PDZD2: variants seen among roughly 807,000 people sequenced by gnomAD.
PDZD2 encodes the protein PDZ domain-containing protein 2.
PDZD2 carries 90 observed loss-of-function variants against 220.7 expected under a neutral mutation model. The ratio of observed to expected loss-of-function variants is 0.41; its 90% CI spans 0.34 to 0.49. The LOEUF is 0.49. Among genes scored for constraint, PDZD2 ranks in the 20% least tolerant of loss-of-function variants. The pLI is 0.28. For synonymous variants in PDZD2, 1,375 were observed against 1,450.5 expected (o/e 0.95, Z 1.18); for missense variants, 3,174 against 3,608.5 (o/e 0.88, Z 3.08).
chr5:31,877,190 C>T (rs1045836525), intron 2 of PDZD2, among the ~76,000 whole-genome samples: 1 of 152,106 alleles, frequency 6.6e-6, no homozygotes, highest in African/African-American at 2.4e-5. Context: ...TTCATTAGTA[C>T]TTTATCAGAA....
chr5:31,915,723 T>C (rs1249405823), intron 2 of PDZD2, among the ~76,000 whole-genome samples: 1 of 152,200 alleles, frequency 6.6e-6, no homozygotes, highest in African/African-American at 2.4e-5. Context: ...ATATTACTCT[T>C]TTCAGGTCTG....
chr5:32,084,735 G>C (rs1474534753), intron 19 of PDZD2, among the ~76,000 whole-genome samples: 1 of 152,084 alleles, frequency 6.6e-6, no homozygotes, highest in Non-Finnish European at 1.5e-5. Context: ...TCTGATGCCA[G>C]ATTTTTTTTC....
chr5:31,689,948 T>C (rs916741068), intron 1 of PDZD2, among the ~76,000 whole-genome samples: 1 of 152,176 alleles, frequency 6.6e-6, no homozygotes, highest in Non-Finnish European at 1.5e-5. Flanking sequence ...CATAGGCCCA[T>C]GTGAGCTATC....
At chr5:32,084,300 G>A (rs561011749) in intron 19 of PDZD2, among the ~76,000 whole-genome samples, 44 of 152,368 alleles carry the variant, frequency 2.9e-4, no homozygotes, top group Admixed American at 1.2e-3. Flanking sequence ...AGCATGGGCT[G>A]TGGAGCCAGC....
chr5:32,023,318 C>G (rs1754375700), intron 6 of PDZD2, among the ~76,000 whole-genome samples: 1 of 152,136 alleles, frequency 6.6e-6, no homozygotes, highest in Non-Finnish European at 1.5e-5. Flanking sequence ...CCACCGTCTC[C>G]CCTCCCAGAC....
intron 6 of PDZD2, among the ~76,000 whole-genome samples, chr5:32,016,177 T>C (rs1033399362): frequency 2.0e-5 from 3 of 152,196 alleles, no homozygotes; most frequent in Non-Finnish European, 4.4e-5. Flanking sequence ...TGAAAGCCAG[T>C]ATCCTCGAGT....
chr5:32,090,179 G>T lies in PDZD2; in HGVS notation c.6731G>T (p.Gly2244Val), dbSNP rs747090862. The T allele has an allele frequency of 9.2e-5, 148 of 1,613,962 alleles. No homozygotes were observed. The highest frequency in any genetic ancestry group is 1.2e-4 in the Non-Finnish European group (147 of 1,180,010). Residue 2244 changes from glycine (G) to valine (V), a missense_variant, in exon 20 of 25, where the codon GGT (glycine) becomes GTT (valine). This residue lies in a region of PDZD2 where 631 missense variants were observed against 789.9 expected (regional missense o/e 0.80). Coordinates refer to ENST00000438447, the MANE Select transcript of PDZD2 (RefSeq NM_178140.4). The surrounding 1 kb of genome is among the most constrained non-coding windows in gnomAD (Gnocchi z 4.3). ...GREGHPPHSL[G>V]RSRDSQVPVT... ...GAGGGTCACCCCCCACACAGCCTGG[G>T]TCGCTCTCGGGACAGCCAGGTCCCT...
chr5:31,896,342 GTGTGTGTGTGTGTGTGTGTGTGTGTA>G (rs1258751660), intron 2 of PDZD2, among the ~76,000 whole-genome samples: 1 of 150,494 alleles, frequency 6.6e-6, no homozygotes, highest in East Asian at 2.0e-4. Context: ...GTGTGTGTGT[GTGTGTGTGTGTGTGTGTGTGTGTGTA>G]TGTGTGTGTG....
At chr5:31,897,743 CT>C (rs34233036) in intron 2 of PDZD2, among the ~76,000 whole-genome samples, 13 of 146,858 alleles carry the variant, frequency 8.9e-5, no homozygotes, top group Admixed American at 4.7e-4. Context: ...TGACTGTTGG[CT>C]TTTTTTTTTT....
chr5:31,803,674 T>C (rs1011045800), intron 2 of PDZD2, among the ~76,000 whole-genome samples: 3 of 152,044 alleles, frequency 2.0e-5, no homozygotes, highest in Admixed American at 1.3e-4. Context: ...CTTTGCTATC[T>C]TTAGGAATCA....
intron 24 of PDZD2, chr5:32,107,383 C>CATCT (rs965878156): frequency 6.6e-6 from 1 of 151,476 alleles, no homozygotes; most frequent in Non-Finnish European, 1.5e-5. Context: ...GGCAAGACCC[C>CATCT]ATCTCTACCA....
chr5:31,967,846 G>C (rs887482693), intron 2 of PDZD2, among the ~76,000 whole-genome samples: 6 of 152,210 alleles, frequency 3.9e-5, no homozygotes, highest in Non-Finnish European at 7.3e-5. Context: ...CTGGTCCAGG[G>C]AGCAGGGCAC....
intron 21 of PDZD2, 51 bp downstream of exon 21, chr5:32,093,075 C>T (rs1233896800): frequency 2.1e-6 from 2 of 946,602 alleles, no homozygotes; most frequent in Admixed American, 3.5e-5. Context: ...CGCGTGAGTG[C>T]CCAGGTATGT....
intron 1 of PDZD2, among the ~76,000 whole-genome samples, chr5:31,720,631 G>A (rs570553660): frequency 3.3e-5 from 5 of 152,290 alleles, no homozygotes; most frequent in Admixed American, 6.5e-5. Flanking sequence ...AGTTTGGACC[G>A]CCATGAAGAA....
At chr5:31,860,481 A>G (rs1737592097) in intron 2 of PDZD2, among the ~76,000 whole-genome samples, 1 of 152,190 alleles carries the variant, frequency 6.6e-6, no homozygotes, top group South Asian at 2.1e-4. Flanking sequence ...TGTATCTTTG[A>G]GAGGCTAGCA....
chr5:31,838,642 G>A (rs182473348), intron 2 of PDZD2, among the ~76,000 whole-genome samples: 229 of 152,284 alleles, frequency 1.5e-3, no homozygotes, highest in Non-Finnish European at 1.2e-3. Flanking sequence ...ACAAGTCATC[G>A]TTATTTTCTT....
chr5:31,847,318 C>A, intron 2 of PDZD2: 1 of 352,426 alleles, frequency 2.8e-6, no homozygotes, highest in Non-Finnish European at 5.4e-6. Context: ...TTAAAAGATA[C>A]AAAATGAAAT....
chr5:31,751,138 G>A (rs1561430888), intron 1 of PDZD2, among the ~76,000 whole-genome samples: 1 of 151,930 alleles, frequency 6.6e-6, no homozygotes, highest in Non-Finnish European at 1.5e-5. Flanking sequence ...GCTACTCGGA[G>A]GCCGAAGCAG....
intron 1 of PDZD2, among the ~76,000 whole-genome samples, chr5:31,795,667 T>A (rs1164515944): frequency 1.3e-5 from 2 of 152,248 alleles, no homozygotes; most frequent in Non-Finnish European, 2.9e-5. Flanking sequence ...TTTTGCACAC[T>A]GGAGTGTTTT....
Sources: gnomAD v4.1 joint callset for allele counts (sites outside exome capture counted in the v4.1 genomes callset) on GRCh38, gnomAD v4.1.1 for gene constraint, gnomAD v4.1.1 regional missense constraint, Gnocchi (gnomAD v3.1) non-coding constraint, MANE v1.5 for transcripts, NCBI Gene and HGNC (gene_info 2026-07-23, HGNC 2026-07-21) for gene names.